MYO3B: variants seen among roughly 807,000 people sequenced by gnomAD.
MYO3B encodes the protein myosin IIIB.
A neutral mutation model predicts 174.6 loss-of-function variants in MYO3B; 156 were observed. The observed-to-expected ratio is 0.89, with a 90% CI of 0.78 to 1.02. The LOEUF (loss-of-function observed/expected upper bound fraction) is 1.02. Ranked by LOEUF, MYO3B falls within the 50% of genes least tolerant of loss-of-function variation. The pLI, the probability that MYO3B is intolerant of heterozygous loss-of-function variation, is 0.00. For synonymous variants in MYO3B, 563 were observed against 569.1 expected (o/e 0.99, Z 0.15); for missense variants, 1,632 against 1,639.4 (o/e 1.00, Z 0.08).
chr2:170,424,863 G>T (rs779491120), intron 22 of MYO3B, among the ~76,000 whole-genome samples: 4 of 151,988 alleles, frequency 2.6e-5, no homozygotes, highest in Non-Finnish European at 4.4e-5. Flanking sequence ...TTGATTTTTC[G>T]AATGGTCAGA....
At chr2:170,552,985 TG>T (rs1237170435) in intron 32 of MYO3B, among the ~76,000 whole-genome samples, 2 of 152,138 alleles carry the variant, frequency 1.3e-5, no homozygotes, top group Non-Finnish European at 2.9e-5. Context: ...CACGTGGTGT[TG>T]GGCCTGTGGG....
chr2:170,520,235 G>C (rs373742344), intron 30 of MYO3B, among the ~76,000 whole-genome samples: 171 of 152,028 alleles, frequency 1.1e-3, no homozygotes, highest in African/African-American at 3.9e-3. Context: ...CTGCAATGTA[G>C]GACAAAGCCT....
chr2:170,555,919 G>T (rs943117570), intron 32 of MYO3B, among the ~76,000 whole-genome samples: 2 of 151,706 alleles, frequency 1.3e-5, no homozygotes, highest in Non-Finnish European at 1.5e-5. Context: ...ATGTCGGCTG[G>T]GTGTGGTGGC....
At chr2:170,643,553 G>A (rs1453859903) in intron 32 of MYO3B, among the ~76,000 whole-genome samples, 1 of 152,108 alleles carries the variant, frequency 6.6e-6, no homozygotes, top group Non-Finnish European at 1.5e-5. Flanking sequence ...TGCCCCAGGG[G>A]TATAGCTTAT....
chr2:170,584,524 A>G (rs1258198325), intron 32 of MYO3B, among the ~76,000 whole-genome samples: 1 of 152,252 alleles, frequency 6.6e-6, no homozygotes, highest in African/African-American at 2.4e-5. Flanking sequence ...AAGAAAATAC[A>G]GTTCTCTTCA....
At chr2:170,601,606 C>T in intron 32 of MYO3B, 1 of 1,194,232 alleles carries the variant, frequency 8.4e-7, no homozygotes, top group Admixed American at 1.7e-5. Flanking sequence ...AGGCTAGAAC[C>T]AACTTATTCA....
chr2:170,630,419 A>G (rs948298131), intron 32 of MYO3B, among the ~76,000 whole-genome samples: 7 of 152,190 alleles, frequency 4.6e-5, no homozygotes, highest in Non-Finnish European at 8.8e-5. Context: ...AGTGGGGCCC[A>G]CCGCAGCTCA....
intron 8 of MYO3B, among the ~76,000 whole-genome samples, chr2:170,361,339 G>A (rs2094159482): frequency 6.6e-6 from 1 of 152,166 alleles, no homozygotes; most frequent in Non-Finnish European, 1.5e-5. Flanking sequence ...GGAGTTGCCT[G>A]GAGAAATATC....
At chr2:170,517,897 G>A (rs1394209837) in intron 29 of MYO3B, among the ~76,000 whole-genome samples, 1 of 151,894 alleles carries the variant, frequency 6.6e-6, no homozygotes, top group Non-Finnish European at 1.5e-5. Context: ...AAGGGAATTA[G>A]TTAATGAAAT....
intron 13 of MYO3B, among the ~76,000 whole-genome samples, 158 bp from the exon 14 acceptor site, chr2:170,386,948 T>C (rs2094380274): frequency 6.6e-6 from 1 of 152,212 alleles, no homozygotes; most frequent in Non-Finnish European, 1.5e-5. Context: ...GAGTTGCTCA[T>C]ATGAGAAAAT....
intron 1 of MYO3B, among the ~76,000 whole-genome samples, chr2:170,192,264 A>G (rs1404204574): frequency 1.3e-5 from 2 of 150,826 alleles, no homozygotes; most frequent in African/African-American, 4.8e-5. Flanking sequence ...TTCTTCCATT[A>G]TATGTCTACT....
At chr2:170,403,993 A>G (rs563600075) in intron 19 of MYO3B, among the ~76,000 whole-genome samples, 162 of 152,294 alleles carry the variant, frequency 1.1e-3, no homozygotes, top group Middle Eastern at 3.4e-3. Context: ...TTTCTAAATG[A>G]TAAGTTACCA....
intron 2 of MYO3B, 56 bp from the exon 3 acceptor site, chr2:170,200,094 G>C: frequency 6.4e-7 from 1 of 1,557,684 alleles, no homozygotes; most frequent in Non-Finnish European, 8.7e-7. Context: ...TGTCATATCT[G>C]TACCCTTCCT....
At chr2:170,518,214 A>C (rs147408567) in intron 29 of MYO3B, among the ~76,000 whole-genome samples, 2 of 152,314 alleles carry the variant, frequency 1.3e-5, no homozygotes, top group Non-Finnish European at 2.9e-5. Flanking sequence ...AGACAACACA[A>C]AAAAAACTGA....
rs149534694 is a variant in MYO3B, at chr2:170,557,831, G to A, written c.3733+13843G>A. Among the ~76,000 whole-genome samples the A allele has an allele frequency of 6.9e-3, 1,053 of 152,242 alleles. 6 individuals are homozygous for A. Among genetic ancestry groups the A allele is most frequent in the African/African-American group, 0.023 (959 of 41,528 alleles). ...AGACCTGCAGCGAAGAGTCAGAAAAGATGTTTCCAGCCGTCTGCCCATTCT... is the reference window on the plus strand; with the variant it reads ...AGACCTGCAGCGAAGAGTCAGAAAAAATGTTTCCAGCCGTCTGCCCATTCT... On this transcript the variant is annotated intron_variant, in intron 32 of 34. Transcript: ENST00000408978.
chr2:170,335,008 C>T (rs888891375), intron 7 of MYO3B: 3 of 173,356 alleles, frequency 1.7e-5, no homozygotes, highest in Non-Finnish European at 3.6e-5. Context: ...TACAATTAAA[C>T]GTCTATTTCA....
intron 27 of MYO3B, among the ~76,000 whole-genome samples, chr2:170,501,497 C>T (rs549281489): frequency 1.6e-4 from 25 of 152,172 alleles, no homozygotes; most frequent in Non-Finnish European, 2.9e-4. Flanking sequence ...AGGAAACCAT[C>T]TCACCTGGAG....
At chr2:170,222,720 G>A (rs1035443598) in intron 6 of MYO3B, among the ~76,000 whole-genome samples, 8 of 152,136 alleles carry the variant, frequency 5.3e-5, no homozygotes, top group Non-Finnish European at 8.8e-5. Flanking sequence ...TTCCAAATAA[G>A]TTCACGTTCT....
intron 7 of MYO3B, chr2:170,332,191 G>A (rs1184283119): frequency 6.6e-6 from 1 of 152,146 alleles, no homozygotes; most frequent in Non-Finnish European, 1.5e-5. Context: ...CTTAAGAAAG[G>A]AAGATGTTTG....
Sources: gnomAD v4.1 joint callset for allele counts (sites outside exome capture counted in the v4.1 genomes callset) on GRCh38, gnomAD v4.1.1 for gene constraint, MANE v1.5 for transcripts, NCBI Gene and HGNC (gene_info 2026-07-23, HGNC 2026-07-21) for gene names.